TSPAN1: variants seen among roughly 807,000 people sequenced by gnomAD.
The protein encoded by TSPAN1 is tetraspanin-1.
TSPAN1 carries 23 observed loss-of-function variants against 26.9 expected under a neutral mutation model. That is an observed-to-expected ratio of 0.85 (90% CI 0.62 to 1.21). The LOEUF is 1.21. Among genes scored for constraint, TSPAN1 ranks in the 50% most tolerant of loss-of-function variants. The pLI, the probability that TSPAN1 is intolerant of heterozygous loss-of-function variation, is 0.00. For synonymous variants in TSPAN1, 115 were observed against 114.8 expected (o/e 1.00, Z -0.01); for missense variants, 283 against 298.4 (o/e 0.95, Z 0.38).
At chr1:46,192,516 A>C in the TSPAN1 span, 1 of 1,614,068 alleles carries the variant, frequency 6.2e-7, no homozygotes, top group South Asian at 1.1e-5. Context: ...ATTCCAGCCT[A>C]CCTGGTCATT....
At chr1:46,193,295 T>C in the TSPAN1 span, 1 of 1,613,752 alleles carries the variant, frequency 6.2e-7, no homozygotes, top group Non-Finnish European at 8.5e-7. Flanking sequence ...CCCACTTGCC[T>C]ATGCAGTACC....
the TSPAN1 span, chr1:46,193,418 G>A: frequency 1.9e-6 from 3 of 1,607,740 alleles, no homozygotes; most frequent in South Asian, 1.1e-5. Flanking sequence ...CTCACCATGT[G>A]AGGTCACTTT....
At chr1:46,191,215 A>C in the TSPAN1 span, 2 of 291,056 alleles carry the variant, frequency 6.9e-6, no homozygotes, top group Non-Finnish European at 1.3e-5. Flanking sequence ...CCTCTCTGGG[A>C]GAGGAATGGG....
chr1:46,177,093 G>GAAA (rs1339058035), intron 1 of TSPAN1, among the ~76,000 whole-genome samples: 1 of 152,094 alleles, frequency 6.6e-6, no homozygotes, highest in African/African-American at 2.4e-5. Flanking sequence ...CCAGCACTTT[G>GAAA]GGAGGCCGAG....
In TSPAN1 at chr1:46,184,826, G is replaced by A; in HGVS notation, c.381G>A (p.Lys127=). ...CGTTGCTGGTAGTGCCTGCCATCAA[G>A]AAAGATTATGGTTCCCAGGAAGACT... ...FLTLLVVPAI[K]KDYGSQEDFT... is the part of the protein sequence containing the mutation. The change falls in exon 6 of 9, where the codon AAG becomes AAA. Residue 127 remains lysine, a synonymous_variant. Coordinates refer to ENST00000372003, the MANE Select transcript of TSPAN1 (RefSeq NM_005727.4). 6.2e-7 allele frequency: 1 copy of A among 1,614,198 alleles called. No individual in the cohort carries two copies. The highest frequency in any genetic ancestry group is 8.5e-7 in the Non-Finnish European group (1 of 1,180,048).
intron 8 of TSPAN1, 42 bp from the exon 9 acceptor site, chr1:46,185,444 C>A: frequency 6.2e-7 from 1 of 1,613,122 alleles, no homozygotes; most frequent in Non-Finnish European, 8.5e-7. Context: ...CTTCAGGATC[C>A]CTATCATGTT....
downstream of TSPAN1, among the ~76,000 whole-genome samples, chr1:46,186,957 C>T (rs1056516517): frequency 4.6e-5 from 7 of 152,158 alleles, no homozygotes; most frequent in East Asian, 1.9e-4. Flanking sequence ...CCACCGTGCC[C>T]GGCCACGCCC....
Position 46,185,905 on chromosome 1 carries a change from C to T in TSPAN1, c.*372C>T. On this transcript the variant is annotated 3_prime_UTR_variant, in exon 9 of 9. Coordinates refer to ENST00000372003, the MANE Select transcript of TSPAN1 (RefSeq NM_005727.4). ...TGGGCATAAGTGAAATCAGCAGAGC[C>T]TCTGGGTGGATGTGTAGAAGGCACT... is the stretch of plus-strand genomic sequence containing the variant. The T allele has an allele frequency of 3.4e-6, 1 of 297,038 alleles. No individual in the cohort carries two copies. Among genetic ancestry groups the T allele is most frequent in the Non-Finnish European group, 6.3e-6 (1 of 158,604 alleles). 18.4% of individuals were successfully genotyped at this position (297,038 alleles called of 1,614,324 possible). A position where few individuals can be genotyped will look rare whatever the true frequency, so the allele number is the denominator to read the frequency against.
chr1:46,194,467 C>T, the TSPAN1 span: 42 of 1,614,108 alleles, frequency 2.6e-5, no homozygotes, highest in East Asian at 9.4e-4. Flanking sequence ...CCCAGGCACA[C>T]AATCAAAGGA....
At chr1:46,183,377 T>TCA in intron 3 of TSPAN1, 1 of 152,408 alleles carries the variant, frequency 6.6e-6, no homozygotes, top group East Asian at 1.9e-4. Flanking sequence ...CACTTCCCGT[T>TCA]CTAGCCTCAG....
chr1:46,187,017 A>C (rs1657448398), downstream of TSPAN1, among the ~76,000 whole-genome samples: 1 of 152,032 alleles, frequency 6.6e-6, no homozygotes, highest in Non-Finnish European at 1.5e-5. Flanking sequence ...CATGTTGGCC[A>C]GGCTGGTCTC....
the TSPAN1 span, chr1:46,194,133 T>C: frequency 6.4e-7 from 1 of 1,551,606 alleles, no homozygotes; most frequent in Non-Finnish European, 8.7e-7. Flanking sequence ...ACCCCAGCCC[T>C]GTCTTTCAGA....
chr1:46,179,166 A>AG (rs1336997461), intron 1 of TSPAN1, among the ~76,000 whole-genome samples: 1 of 151,908 alleles, frequency 6.6e-6, no homozygotes, highest in African/African-American at 2.4e-5. Flanking sequence ...GTTTAAAAAA[A>AG]AAAAATTTGC....
At chr1:46,195,908 T>C in the TSPAN1 span, 1 of 1,614,044 alleles carries the variant, frequency 6.2e-7, no homozygotes, top group Non-Finnish European at 8.5e-7. Context: ...AAACACACGT[T>C]TTGCCATCAC....
At chr1:46,196,067 T>C in the TSPAN1 span, 1 of 1,613,982 alleles carries the variant, frequency 6.2e-7, no homozygotes, top group South Asian at 1.1e-5. The surrounding 1 kb of genome is among the most constrained non-coding windows in gnomAD (Gnocchi z 4.4). Context: ...CCGGGCCTCA[T>C]CCTCCAGCAC....
At chr1:46,194,757 T>C in the TSPAN1 span, 6 of 1,613,774 alleles carry the variant, frequency 3.7e-6, no homozygotes, top group Non-Finnish European at 4.2e-6. Flanking sequence ...CTGGCTCCTA[T>C]TTGTTCCCCA....
At chr1:46,187,207 T>C (rs112634628), downstream of TSPAN1, among the ~76,000 whole-genome samples, 1,968 of 152,320 alleles carry the variant, frequency 0.013, 45 homozygotes, top group African/African-American at 0.045. Context: ...CACAGGCTTC[T>C]GTGAAGAGCT....
chr1:46,176,573 T>A, intron 1 of TSPAN1: 4 of 1,392,132 alleles, frequency 2.9e-6, no homozygotes, highest in Non-Finnish European at 3.8e-6. Context: ...GGCCCTTTAT[T>A]ACAAGTCGTG....
At chr1:46,178,644 T>A (rs1657242495) in intron 1 of TSPAN1, among the ~76,000 whole-genome samples, 1 of 152,206 alleles carries the variant, frequency 6.6e-6, no homozygotes, top group African/African-American at 2.4e-5. Context: ...CTTCCTCAGG[T>A]CAGACCAAGG....
Sources: allele counts gnomAD v4.1 joint callset (sites outside exome capture counted in the v4.1 genomes callset), GRCh38; gene constraint gnomAD v4.1.1; non-coding constraint Gnocchi (gnomAD v3.1); transcripts MANE v1.5; gene names NCBI Gene and HGNC (gene_info 2026-07-23, HGNC 2026-07-21).